Variants in SAA4 observed in about 807,000 individuals in gnomAD.
SAA4 encodes serum amyloid A4, constitutive, also known as serum amyloid A-4 protein.
In SAA4, 8 loss-of-function variants were observed where a neutral mutation model predicts 11.2. The ratio of observed to expected loss-of-function variants is 0.71; its 90% CI spans 0.42 to 1.29. SAA4 has a LOEUF of 1.29. SAA4 is among the 50% of genes most tolerant of loss of function. The pLI, the probability that SAA4 is intolerant of heterozygous loss-of-function variation, is 0.01. For synonymous variants in SAA4, 60 were observed against 56.2 expected, an observed-to-expected ratio of 1.07 and a Z score of -0.30; for missense variants, 171 against 164.2, an observed-to-expected ratio of 1.04 and a Z score of -0.23.
At chr11:18,231,814 C>T in intron 3 of SAA4, 150 bp from the exon 4 acceptor site, 1 of 974,648 alleles carries the variant, frequency 1.0e-6, no homozygotes, top group South Asian at 1.8e-5. Flanking sequence ...AGAAAACTAT[C>T]AATCTTCTTG....
rs1330967450 is a variant in SAA4 at position 18,231,559 on chromosome 11, GC to G, written c.335del (p.Gly112AlafsTer63). The G allele has an allele frequency of 6.2e-7, 1 of 1,614,024 alleles. No individual in the cohort carries two copies. The highest frequency in any genetic ancestry group is 1.3e-5 in the African/African-American group (1 of 74,916). On this transcript the variant is annotated frameshift_variant, in exon 4 of 4. Coordinates refer to ENST00000278222, the MANE Select transcript of SAA4 (RefSeq NM_006512.4). LOFTEE classifies it high-confidence loss of function. Reference protein sequence around the residue: ...SKSNEKAEEWGRSGKDPDRFR... With the variant: ...SKSNEKAEEWXRSGKDPDRFR... ...AGCGGTCGGGGTCTTTGCCACTCCG[GC>G]CCCATTCCTCAGCTTTCTCGTTGGA...
intron 3 of SAA4, among the ~76,000 whole-genome samples, chr11:18,231,916 T>G (rs982866023): frequency 4.2e-5 from 6 of 144,386 alleles, no homozygotes; most frequent in African/African-American, 7.7e-5. Context: ...AGGGTCTCAT[T>G]CTGTTGCCCA....
At chr11:18,236,078 CT>C (rs536302019) in intron 1 of SAA4, 148 bp from the exon 2 acceptor site, 3,970 of 773,000 alleles carry the variant, frequency 5.1e-3, no homozygotes, top group East Asian at 6.2e-3. Context: ...TTCTTTCTTT[CT>C]TTTTTTTTTC....
chr11:18,231,379 A>T lies in SAA4; in HGVS notation c.*123T>A. 7.2e-7 allele frequency: 1 copy of T among 1,396,384 alleles called. No individual in the cohort carries two copies. 86.5% of individuals were successfully genotyped at this position (1,396,384 alleles called of 1,614,324 possible). On this transcript the variant is annotated 3_prime_UTR_variant, in exon 4 of 4. Coordinates refer to ENST00000278222, the MANE Select transcript of SAA4 (RefSeq NM_006512.4). ...ATTCAATTTGACAAACATTTATTGA[A>T]CACCTCTAGGTGCCCTATACCAGTT...
chr11:18,235,816 C>T lies in SAA4; in HGVS notation c.91+20G>A, dbSNP rs1215056025. 6.2e-7 allele frequency: 1 copy of T among 1,611,856 alleles called. No individual in the cohort carries two copies. Among genetic ancestry groups the T allele is most frequent in the Non-Finnish European group, 8.5e-7 (1 of 1,178,828 alleles). On this transcript the variant is annotated intron_variant, in intron 2 of 3. Coordinates refer to ENST00000278222, the MANE Select transcript of SAA4 (RefSeq NM_006512.4). ...AGAATGAATCCTGGGTATGTGCCCTCCATCCTCCAGAGTTCTTACCTTGGA... is the reference window on the plus strand; with the variant it reads ...AGAATGAATCCTGGGTATGTGCCCTTCATCCTCCAGAGTTCTTACCTTGGA...
intron 2 of SAA4, among the ~76,000 whole-genome samples, chr11:18,234,688 A>T (rs1857185254): frequency 6.6e-6 from 1 of 152,174 alleles, no homozygotes; most frequent in Non-Finnish European, 1.5e-5. Flanking sequence ...TTGTGTCTGT[A>T]ATTTTGTCAA....
At chr11:18,234,315 G>A (rs552905075) in intron 2 of SAA4, among the ~76,000 whole-genome samples, 1 of 152,226 alleles carries the variant, frequency 6.6e-6, no homozygotes, top group African/African-American at 2.4e-5. Context: ...AGACCCATCC[G>A]GGGTGTGTGA....
chr11:18,233,808 C>T (rs1857170552), intron 2 of SAA4, among the ~76,000 whole-genome samples: 1 of 151,932 alleles, frequency 6.6e-6, no homozygotes, highest in Non-Finnish European at 1.5e-5. Context: ...AGTCATCATG[C>T]CCAGCTCTCG....
chr11:18,231,477 C>G lies in SAA4; in HGVS notation c.*25G>C. On this transcript the variant is annotated 3_prime_UTR_variant, in exon 4 of 4. Coordinates refer to ENST00000278222, the MANE Select transcript of SAA4 (RefSeq NM_006512.4). ...AAGTGTGTGGCTCACAGCCCAGTTT[C>G]CCTGAGAGCAGAGGAGCAGGAAGCT... is the stretch of plus-strand genomic sequence containing the variant. The G allele has an allele frequency of 6.2e-7, 1 of 1,604,342 alleles. No individual in the cohort carries two copies. The highest frequency in any genetic ancestry group is 1.1e-5 in the South Asian group (1 of 89,714).
At chr11:18,236,052 T>C (rs750348055) in intron 1 of SAA4, 122 bp from the exon 2 acceptor site, 14 of 1,001,200 alleles carry the variant, frequency 1.4e-5, no homozygotes, top group Non-Finnish European at 2.0e-5. Context: ...CTCCTTCCTT[T>C]CTTTCTTTCC....
chr11:18,232,257 C>T (rs1434348124), intron 3 of SAA4, 138 bp downstream of exon 3: 1 of 1,330,394 alleles, frequency 7.5e-7, no homozygotes, highest in Non-Finnish European at 1.0e-6. Context: ...CATGTCTTCA[C>T]CAGCCTTGCT....
chr11:18,234,030 C>T (rs1857174959), intron 2 of SAA4, among the ~76,000 whole-genome samples: 1 of 152,016 alleles, frequency 6.6e-6, no homozygotes, highest in African/African-American at 2.4e-5. Flanking sequence ...CTTTAAAAAG[C>T]CTAATTATCC....
intron 2 of SAA4, 67 bp from the exon 3 acceptor site, chr11:18,232,600 T>C (rs1252366325): frequency 6.5e-7 from 1 of 1,547,266 alleles, no homozygotes; most frequent in Non-Finnish European, 8.7e-7. Context: ...AATGAACATT[T>C]TCCACTGATT....
At chr11:18,232,023 G>A (rs779514621) in intron 3 of SAA4, among the ~76,000 whole-genome samples, 3 of 151,642 alleles carry the variant, frequency 2.0e-5, no homozygotes, top group Non-Finnish European at 2.9e-5. Context: ...CTGGGACTAC[G>A]GTGCATGCCA....
chr11:18,234,058 T>C (rs1857175339), intron 2 of SAA4, among the ~76,000 whole-genome samples: 1 of 152,106 alleles, frequency 6.6e-6, no homozygotes, highest in South Asian at 2.1e-4. Context: ...TAGGATAAAT[T>C]GTGATATCAG....
At chr11:18,235,652 G>A (rs1457154269) in intron 2 of SAA4, among the ~76,000 whole-genome samples, 184 bp downstream of exon 2, 1 of 152,068 alleles carries the variant, frequency 6.6e-6, no homozygotes, top group Non-Finnish European at 1.5e-5. Flanking sequence ...TTAACCTCTC[G>A]TCTGGAAACC....
At chr11:18,232,266 C>T in intron 3 of SAA4, 129 bp downstream of exon 3, 2 of 1,394,220 alleles carry the variant, frequency 1.4e-6, no homozygotes, top group Non-Finnish European at 9.7e-7. Context: ...ACCAGCCTTG[C>T]TCTGGCTCTG....
chr11:18,235,739 G>A, intron 2 of SAA4, 97 bp downstream of exon 2: 10 of 1,212,620 alleles, frequency 8.2e-6, no homozygotes, highest in Non-Finnish European at 1.2e-5. Flanking sequence ...TCTGACCTCT[G>A]TGTGGCTTCT....
Position 18,232,268 on chromosome 11 carries a change from C to G in SAA4, c.230+127G>C, listed in dbSNP as rs565623151. 1.7e-4 allele frequency: 245 copies of G among 1,412,456 alleles called. 1 individual carries two copies. The Admixed American group carries it at 5.6e-3, about 32-fold the overall frequency. The allele number at this position is 1,412,456 out of a possible 1,614,324, so 87.5% of individuals were successfully genotyped here. The stretch of plus-strand genomic sequence containing the variant: ...GAGACATGTCTTCACCAGCCTTGCT[C>G]TGGCTCTGCCAGCCACCCAGACCCC... On this transcript the variant is annotated intron_variant, in intron 3 of 3. Coordinates refer to ENST00000278222, the MANE Select transcript of SAA4 (RefSeq NM_006512.4).
Sources: allele counts gnomAD v4.1 joint callset (sites outside exome capture counted in the v4.1 genomes callset), GRCh38; gene constraint gnomAD v4.1.1; transcripts MANE v1.5; gene names NCBI Gene and HGNC (gene_info 2026-07-23, HGNC 2026-07-21).